NCOA6: variants seen among roughly 807,000 people sequenced by gnomAD.
The protein encoded by NCOA6 is NRC RAP250.
In NCOA6, 49 loss-of-function variants were observed where a neutral mutation model predicts 171.4. That is an observed-to-expected ratio of 0.29 (90% CI 0.23 to 0.36). NCOA6 has a LOEUF of 0.36. Among genes scored for constraint, NCOA6 ranks in the 10% least tolerant of loss-of-function variants. NCOA6 has a pLI of 1.00. For synonymous variants in NCOA6, 910 were observed against 927.5 expected (o/e 0.98, Z 0.34); for missense variants, 2,248 against 2,554.5 (o/e 0.88, Z 2.59).
intron 2 of NCOA6, among the ~76,000 whole-genome samples, chr20:34,785,876 TAAAA>T (rs33961774): frequency 7.3e-6 from 1 of 136,190 alleles, no homozygotes; most frequent in Non-Finnish European, 1.6e-5. Flanking sequence ...ACACAGTACT[TAAAA>T]AAAAAAAAAA....
In NCOA6 at chr20:34,757,483, TGG is replaced by T; in HGVS notation, c.1263_1264del (p.His422ProfsTer25). On this transcript the variant is annotated frameshift_variant, in exon 7 of 15. Transcript: ENST00000359003. LOFTEE classifies it high-confidence loss of function. The stretch of plus-strand genomic sequence containing the variant: ...GGAGGCAGGAGACTTGTTGGTGAGG[TGG>T]GGCTGCTGCAAGGGAGTTGGGACCC... 1 of 1,613,788 alleles carries T rather than the reference TGG, an allele frequency of 6.2e-7. No individual in the cohort carries two copies. The highest frequency in any genetic ancestry group is 8.5e-7 in the Non-Finnish European group (1 of 1,179,850).
intron 5 of NCOA6, among the ~76,000 whole-genome samples, chr20:34,764,883 G>A (rs1600915548): frequency 6.7e-6 from 1 of 149,970 alleles, no homozygotes; most frequent in Non-Finnish European, 1.5e-5. Context: ...TGAGGCCCAG[G>A]TGGGTGGATC....
At chr20:34,716,077 G>A (rs993367320) in intron 14 of NCOA6, among the ~76,000 whole-genome samples, 8 of 152,124 alleles carry the variant, frequency 5.3e-5, no homozygotes, top group Admixed American at 5.2e-4. Context: ...AAAACTAGCC[G>A]GGCGTGGTGG....
intron 4 of NCOA6, among the ~76,000 whole-genome samples, chr20:34,769,053 CT>C (rs2077061326): frequency 6.6e-6 from 1 of 151,278 alleles, no homozygotes. Context: ...GACACTAACA[CT>C]TGTGAACAAA....
At chr20:34,732,034 G>A (rs193151687) in intron 13 of NCOA6, among the ~76,000 whole-genome samples, 167 of 152,302 alleles carry the variant, frequency 1.1e-3, no homozygotes, top group South Asian at 2.9e-3. Flanking sequence ...AAAAAGGCAT[G>A]ACTTTTGGAA....
intron 2 of NCOA6, among the ~76,000 whole-genome samples, chr20:34,789,098 A>G (rs186826183): frequency 6.6e-6 from 1 of 152,346 alleles, no homozygotes; most frequent in East Asian, 1.9e-4. Context: ...TGGAAGCCTG[A>G]TATTAGGAAA....
chr20:34,776,250 G>C (rs766325976), intron 4 of NCOA6, 43 bp downstream of exon 4: 1 of 1,594,940 alleles, frequency 6.3e-7, no homozygotes, highest in Non-Finnish European at 8.6e-7. Context: ...TTCTACTGTT[G>C]TAATGATTCT....
At chr20:34,782,809 A>G (rs2146207658) in intron 2 of NCOA6, among the ~76,000 whole-genome samples, 1 of 152,306 alleles carries the variant, frequency 6.6e-6, no homozygotes, top group South Asian at 2.1e-4. Context: ...AAAGGAGCCA[A>G]GGTTTCTAAA....
chr20:34,793,838 A>T (rs1277906504), intron 1 of NCOA6, among the ~76,000 whole-genome samples: 1 of 152,218 alleles, frequency 6.6e-6, no homozygotes, highest in Non-Finnish European at 1.5e-5. Context: ...ATGTGCTTAT[A>T]CAGGCACATA....
At chr20:34,772,784 C>T (rs1276765617) in intron 4 of NCOA6, among the ~76,000 whole-genome samples, 2 of 152,076 alleles carry the variant, frequency 1.3e-5, no homozygotes, top group African/African-American at 2.4e-5. Context: ...GGAAGGCATA[C>T]GAATATACAC....
chr20:34,782,013 C>G, intron 3 of NCOA6, 108 bp downstream of exon 3: 1 of 734,270 alleles, frequency 1.4e-6, no homozygotes, highest in South Asian at 2.1e-5. Context: ...TTAAATTCAG[C>G]CTTTTGACCC....
intron 14 of NCOA6, among the ~76,000 whole-genome samples, chr20:34,724,791 C>CT (rs200702546): frequency 1.7e-3 from 239 of 142,718 alleles, no homozygotes; most frequent in South Asian, 4.5e-3. Flanking sequence ...AAGACAGAGA[C>CT]TTTTTTTTTT....
At chr20:34,770,262 T>A (rs2077108679) in intron 4 of NCOA6, among the ~76,000 whole-genome samples, 1 of 152,072 alleles carries the variant, frequency 6.6e-6, no homozygotes, top group Admixed American at 6.5e-5. Flanking sequence ...ATGGTCTCGA[T>A]CTTTTGACCT....
At chr20:34,809,353 C>A in intron 1 of NCOA6, 2 of 396,712 alleles carry the variant, frequency 5.0e-6, no homozygotes, top group Non-Finnish European at 4.4e-6. Context: ...ATCAAAATGC[C>A]TCCTTTTTAA....
chr20:34,788,577 T>C (rs2077760640), intron 2 of NCOA6, among the ~76,000 whole-genome samples: 1 of 152,208 alleles, frequency 6.6e-6, no homozygotes, highest in Non-Finnish European at 1.5e-5. Context: ...GTCCTCAATT[T>C]GGTCTGGTGT....
intron 1 of NCOA6, among the ~76,000 whole-genome samples, chr20:34,805,424 G>A (rs1012529804): frequency 6.6e-6 from 1 of 152,032 alleles, no homozygotes; most frequent in African/African-American, 2.4e-5. Flanking sequence ...TTCTGTGCCT[G>A]GCTTATTTCA....
intron 13 of NCOA6, among the ~76,000 whole-genome samples, chr20:34,728,880 T>C (rs2145331435): frequency 6.6e-6 from 1 of 152,346 alleles, no homozygotes; most frequent in African/African-American, 2.4e-5. Flanking sequence ...TCCATTTTCA[T>C]TGTTGTATGT....
rs71340421 is a variant in NCOA6 at position 34,787,122 on chromosome 20, G to GA, written c.-49-4719dup. On this transcript the variant is annotated intron_variant, in intron 2 of 14. Coordinates refer to ENST00000359003, the MANE Select transcript of NCOA6 (RefSeq NM_014071.5). ...CCACAAGAAACTTAAACAAATTTAT[G>GA]AAAAAAAAAAAACAACCCCATTAAA... 5.0e-3 allele frequency among the ~76,000 whole-genome samples: 722 copies of GA among 144,620 alleles called. 7 individuals carry two copies. The highest frequency in any genetic ancestry group is 0.012 in the Admixed American group (178 of 14,482). The allele number at this position is 144,620 out of a possible 152,430, so 94.9% of individuals were successfully genotyped here.
chr20:34,750,572 G>A, intron 8 of NCOA6, 53 bp from the exon 9 acceptor site: 1 of 1,475,818 alleles, frequency 6.8e-7, no homozygotes, highest in East Asian at 2.3e-5. Context: ...TATCTTATTG[G>A]TATTAAGATA....
Sources: allele counts gnomAD v4.1 joint callset (sites outside exome capture counted in the v4.1 genomes callset), GRCh38; gene constraint gnomAD v4.1.1; transcripts MANE v1.5; gene names NCBI Gene and HGNC (gene_info 2026-07-23, HGNC 2026-07-21).